The following LMBR1 variants were observed in gnomAD, a reference collection of about 807,000 sequenced individuals.
LMBR1 encodes limb development membrane protein 1.
LMBR1 carries 52 observed loss-of-function variants against 73.9 expected under a neutral mutation model. The observed-to-expected ratio is 0.70, with a 90% CI of 0.56 to 0.89. LMBR1 has a LOEUF of 0.89. Among genes scored for constraint, LMBR1 ranks in the 40% least tolerant of loss-of-function variants. The pLI is 0.00. For missense variants in LMBR1, 539 were observed against 579.8 expected (o/e 0.93, Z 0.72); for synonymous variants, 215 against 209.4 (o/e 1.03, Z -0.23).
At chr7:156,803,377 T>C (rs2133474769) in intron 4 of LMBR1, among the ~76,000 whole-genome samples, 1 of 152,070 alleles carries the variant, frequency 6.6e-6, no homozygotes, top group East Asian at 1.9e-4. Context: ...AAGACATTTA[T>C]GCAGCCAAAA....
intron 1 of LMBR1, among the ~76,000 whole-genome samples, chr7:156,891,205 AAAAAAAAT>A (rs1282307905): frequency 4.0e-5 from 4 of 99,104 alleles, no homozygotes; most frequent in Non-Finnish European, 5.9e-5. Context: ...AAAAAAAAAA[AAAAAAAAT>A]ATATATATAT....
chr7:156,854,797 T>C (rs1188341031), intron 1 of LMBR1, among the ~76,000 whole-genome samples: 2 of 152,064 alleles, frequency 1.3e-5, no homozygotes, highest in Non-Finnish European at 2.9e-5. Flanking sequence ...TAACAGGAGA[T>C]TACAGCTAAA....
At chr7:156,839,134 C>T (rs2133948320) in intron 1 of LMBR1, among the ~76,000 whole-genome samples, 1 of 149,596 alleles carries the variant, frequency 6.7e-6, no homozygotes, top group South Asian at 2.1e-4. Context: ...ATTGCAACCT[C>T]CACCTCCCAG....
intron 9 of LMBR1, among the ~76,000 whole-genome samples, chr7:156,753,444 C>G (rs1004584349): frequency 3.3e-5 from 5 of 152,014 alleles, no homozygotes; most frequent in Admixed American, 1.3e-4. Flanking sequence ...TAGAAGCGAG[C>G]CATCACATGA....
At chr7:156,883,555 G>A (rs1801423601) in intron 1 of LMBR1, among the ~76,000 whole-genome samples, 1 of 152,198 alleles carries the variant, frequency 6.6e-6, no homozygotes, top group Non-Finnish European at 1.5e-5. Flanking sequence ...GAAGGAGTAG[G>A]AATCTCCTAT....
At chr7:156,798,586 T>A (rs1830425375) in intron 4 of LMBR1, among the ~76,000 whole-genome samples, 1 of 152,194 alleles carries the variant, frequency 6.6e-6, no homozygotes, top group Admixed American at 6.5e-5. Context: ...AAGTGCATGG[T>A]CTTTGGCCTC....
intron 5 of LMBR1, among the ~76,000 whole-genome samples, chr7:156,795,322 A>G (rs1471625405): frequency 6.6e-6 from 1 of 152,182 alleles, no homozygotes; most frequent in Non-Finnish European, 1.5e-5. Flanking sequence ...ATTTGTTTAC[A>G]TCTGTCATTT....
intron 5 of LMBR1, among the ~76,000 whole-genome samples, chr7:156,768,439 A>T (rs766117569): frequency 3.3e-5 from 5 of 152,212 alleles, no homozygotes; most frequent in Non-Finnish European, 5.9e-5. Flanking sequence ...TGCAAATTTG[A>T]TAAGAAATTC....
intron 1 of LMBR1, among the ~76,000 whole-genome samples, chr7:156,880,832 T>G (rs1482230005): frequency 6.6e-6 from 1 of 152,142 alleles, no homozygotes; most frequent in Non-Finnish European, 1.5e-5. Flanking sequence ...TTTATATTTT[T>G]AGTAGAGACA....
chr7:156,830,447 CTT>C (rs1448005930), intron 3 of LMBR1, among the ~76,000 whole-genome samples: 1 of 152,082 alleles, frequency 6.6e-6, no homozygotes, highest in Non-Finnish European at 1.5e-5. Context: ...GGAAACAAGA[CTT>C]TATCATAGTT....
chr7:156,675,517 G>A (rs988061411), downstream of LMBR1, among the ~76,000 whole-genome samples: 22 of 152,182 alleles, frequency 1.4e-4, no homozygotes, highest in Non-Finnish European at 4.4e-5. Flanking sequence ...GTGGTCATCT[G>A]TCCAGATTAT....
At chr7:156,776,426 C>G (rs1826146841) in intron 5 of LMBR1, among the ~76,000 whole-genome samples, 1 of 152,186 alleles carries the variant, frequency 6.6e-6, no homozygotes, top group Non-Finnish European at 1.5e-5. Context: ...CATCCTAGCT[C>G]ATCACCTCAA....
intron 1 of LMBR1, among the ~76,000 whole-genome samples, chr7:156,886,211 C>T (rs925857921): frequency 6.6e-6 from 1 of 152,172 alleles, no homozygotes; most frequent in Non-Finnish European, 1.5e-5. Flanking sequence ...TACAAGGTGG[C>T]AATCCTGATA....
chr7:156,856,396 G>C (rs1330053106), intron 1 of LMBR1, among the ~76,000 whole-genome samples: 1 of 152,088 alleles, frequency 6.6e-6, no homozygotes, highest in East Asian at 1.9e-4. Flanking sequence ...CCACAGGACA[G>C]AAATTCAAAT....
intron 4 of LMBR1, among the ~76,000 whole-genome samples, chr7:156,814,088 C>G (rs1833527340): frequency 6.6e-6 from 1 of 152,154 alleles, no homozygotes; most frequent in African/African-American, 2.4e-5. Flanking sequence ...CTAAGATCCC[C>G]TTAGCCAACG....
At chr7:156,819,855 A>G (rs1834482918) in intron 4 of LMBR1, among the ~76,000 whole-genome samples, 1 of 152,080 alleles carries the variant, frequency 6.6e-6, no homozygotes, top group Non-Finnish European at 1.5e-5. Context: ...GAAGGCAATT[A>G]ATGGAATGGA....
intron 4 of LMBR1, among the ~76,000 whole-genome samples, chr7:156,812,477 G>C (rs1833257897): frequency 6.6e-6 from 1 of 152,108 alleles, no homozygotes; most frequent in Non-Finnish European, 1.5e-5. Context: ...AGAGAAAAGA[G>C]GCAAGCAACC....
At chr7:156,761,050 T>C (rs780640678) in intron 8 of LMBR1, among the ~76,000 whole-genome samples, 1 of 152,208 alleles carries the variant, frequency 6.6e-6, no homozygotes, top group African/African-American at 2.4e-5. Context: ...CTGGAGCAGG[T>C]AAGAGGCCTT....
chr7:156,680,316 GCA>G lies in LMBR1; in HGVS notation c.*3760_*3761del, dbSNP rs1055246763. The G allele has an allele frequency of 5.9e-5, 9 of 151,652 alleles. No homozygotes were observed. Among genetic ancestry groups the G allele is most frequent in the African/African-American group, 2.2e-4 (9 of 41,278 alleles). 9.4% of individuals were successfully genotyped at this position (151,652 alleles called of 1,614,324 possible). ...ATAATAAAACAGAAGATGCCAGCAT[GCA>G]CACTTAGGAAAAACAAGTACTGTCT... On this transcript the variant is annotated 3_prime_UTR_variant, in exon 17 of 17. Coordinates refer to ENST00000353442, the MANE Select transcript of LMBR1 (RefSeq NM_022458.4).
Sources: allele counts gnomAD v4.1 joint callset (sites outside exome capture counted in the v4.1 genomes callset), GRCh38; gene constraint gnomAD v4.1.1; transcripts MANE v1.5; gene names NCBI Gene and HGNC (gene_info 2026-07-23, HGNC 2026-07-21).